Variants in TOX2 observed in about 807,000 individuals in gnomAD.
TOX2 encodes the protein granulosa cell HMG box 1.
TOX2 carries 15 observed loss-of-function variants against 47.4 expected under a neutral mutation model. The ratio of observed to expected loss-of-function variants is 0.32; its 90% CI spans 0.21 to 0.49. The LOEUF (loss-of-function observed/expected upper bound fraction) is 0.49, where lower values mean the gene tolerates loss of function less well. Among genes scored for constraint, TOX2 ranks in the 20% least tolerant of loss-of-function variants. The pLI, the probability that TOX2 is intolerant of heterozygous loss-of-function variation, is 0.99. For missense variants in TOX2, 622 were observed against 673.1 expected (o/e 0.92, Z 0.84); for synonymous variants, 290 against 296.6 (o/e 0.98, Z 0.23).
At chr20:44,053,908 G>T (rs565724700) in intron 4 of TOX2, among the ~76,000 whole-genome samples, 2 of 152,274 alleles carry the variant, frequency 1.3e-5, no homozygotes, top group Non-Finnish European at 2.9e-5. Flanking sequence ...AATTAACTTT[G>T]CCCGGTAGAG....
At chr20:44,052,698 T>C (rs1331598622) in intron 4 of TOX2, among the ~76,000 whole-genome samples, 1 of 152,234 alleles carries the variant, frequency 6.6e-6, no homozygotes, top group African/African-American at 2.4e-5. Flanking sequence ...GGGACTGTTA[T>C]TATCTCTGTT....
intron 3 of TOX2, among the ~76,000 whole-genome samples, chr20:44,040,582 G>T (rs1162528586): frequency 1.3e-5 from 2 of 152,174 alleles, no homozygotes; most frequent in African/African-American, 2.4e-5. Flanking sequence ...TTCTGCTGGG[G>T]ATGATTATAT....
rs58967545 is a variant in TOX2 at position 44,049,740 on chromosome 20, G to GTGTT, written c.412-1563_412-1560dup. Among the ~76,000 whole-genome samples the GTGTT allele has an allele frequency of 6.3e-3, 956 of 152,276 alleles. 14 individuals carry two copies. The highest frequency in any genetic ancestry group is 0.022 in the African/African-American group (904 of 41,546). On this transcript the variant is annotated intron_variant, in intron 3 of 8. Transcript: ENST00000341197. Reference sequence around the variant, plus strand: ...TTCCACTTACAAGTGAAAACATGAGGTGTTTGGTTTTCTGTTCCTGCATTA... The same window carrying GTGTT: ...TTCCACTTACAAGTGAAAACATGAGGTGTTTGTTTGGTTTTCTGTTCCTGCATTA...
At chr20:44,004,704 A>G (rs190316698) in intron 2 of TOX2, among the ~76,000 whole-genome samples, 29 of 152,204 alleles carry the variant, frequency 1.9e-4, no homozygotes, top group Non-Finnish European at 4.0e-4. Flanking sequence ...CTGCTCAGTA[A>G]CTTCATCCAG....
chr20:43,989,113 CAGTCCCCACCCAGAATCTGATTTAG>C (rs1382506336), intron 2 of TOX2, among the ~76,000 whole-genome samples: 1 of 152,212 alleles, frequency 6.6e-6, no homozygotes, highest in African/African-American at 2.4e-5. Flanking sequence ...TGCAGCATCT[CAGTCCCCACCCAGAATCTGATTTAG>C]AGTCTCCTAA....
chr20:44,026,865 A>G (rs1264466560), intron 3 of TOX2, among the ~76,000 whole-genome samples: 1 of 152,094 alleles, frequency 6.6e-6, no homozygotes, highest in African/African-American at 2.4e-5. Flanking sequence ...CCCATCCCTG[A>G]GCACCCACAA....
intron 3 of TOX2, among the ~76,000 whole-genome samples, chr20:44,033,647 G>C (rs1387558559): frequency 2.6e-5 from 4 of 151,698 alleles, no homozygotes; most frequent in South Asian, 2.1e-4. Flanking sequence ...TGTGATGTGG[G>C]GCCACAAGCC....
intron 3 of TOX2, chr20:44,039,148 C>A: frequency 2.4e-6 from 3 of 1,259,620 alleles, no homozygotes; most frequent in Non-Finnish European, 3.1e-6. Context: ...GTGTGGAGAG[C>A]TCTGCCAGAG....
chr20:44,004,049 G>A (rs1222788044), intron 2 of TOX2, among the ~76,000 whole-genome samples: 1 of 152,298 alleles, frequency 6.6e-6, no homozygotes, highest in Admixed American at 6.5e-5. Context: ...TAGTGGCAGT[G>A]GGAAAGAAAC....
intron 1 of TOX2, among the ~76,000 whole-genome samples, chr20:43,944,924 C>T (rs2069445674): frequency 6.6e-6 from 1 of 152,142 alleles, no homozygotes; most frequent in Non-Finnish European, 1.5e-5. Flanking sequence ...TCAAAGTCTG[C>T]CTTCTTCATG....
intron 2 of TOX2, among the ~76,000 whole-genome samples, chr20:43,975,818 C>A (rs2070067453): frequency 6.6e-6 from 1 of 152,148 alleles, no homozygotes; most frequent in South Asian, 2.1e-4. Flanking sequence ...TCTGGTCTCT[C>A]TGGTCCAATG....
chr20:43,918,486 C>T (rs2069081677), intron 1 of TOX2, among the ~76,000 whole-genome samples: 1 of 152,162 alleles, frequency 6.6e-6, no homozygotes, highest in Non-Finnish European at 1.5e-5. Flanking sequence ...CTTATCCCCA[C>T]CTCCAGAGGC....
intron 3 of TOX2, among the ~76,000 whole-genome samples, chr20:44,013,208 A>C (rs920694818): frequency 6.6e-6 from 1 of 151,724 alleles, no homozygotes; most frequent in African/African-American, 2.4e-5. Flanking sequence ...TCCTGGGGGC[A>C]AGGGCCTTGG....
chr20:43,962,190 G>A (rs548366826), intron 1 of TOX2, among the ~76,000 whole-genome samples: 2 of 152,356 alleles, frequency 1.3e-5, no homozygotes, highest in East Asian at 3.9e-4. Flanking sequence ...ACCAGTGGCA[G>A]TACCAGGGAA....
chr20:43,942,306 A>C (rs548720237), intron 1 of TOX2, among the ~76,000 whole-genome samples: 1 of 152,240 alleles, frequency 6.6e-6, no homozygotes, highest in Non-Finnish European at 1.5e-5. Flanking sequence ...ATCTAAGGGT[A>C]CAGCCAGGAT....
intron 2 of TOX2, among the ~76,000 whole-genome samples, chr20:43,980,861 T>TA (rs1190889865): frequency 6.6e-6 from 1 of 152,130 alleles, no homozygotes; most frequent in African/African-American, 2.4e-5. Flanking sequence ...AAAATTAACA[T>TA]AAAATCAACA....
chr20:43,980,577 T>C (rs1259464036), intron 2 of TOX2, among the ~76,000 whole-genome samples: 1 of 152,260 alleles, frequency 6.6e-6, no homozygotes, highest in Non-Finnish European at 1.5e-5. Context: ...ATGTAATTAT[T>C]ACTTATTGCA....
At chr20:43,921,883 T>G (rs144263602) in intron 1 of TOX2, among the ~76,000 whole-genome samples, 5 of 152,312 alleles carry the variant, frequency 3.3e-5, no homozygotes, top group African/African-American at 9.6e-5. Flanking sequence ...AGACCTGATT[T>G]TCCTGAGCCT....
At chr20:43,934,000 G>A (rs1053993814) in intron 1 of TOX2, among the ~76,000 whole-genome samples, 1 of 151,976 alleles carries the variant, frequency 6.6e-6, no homozygotes, top group Non-Finnish European at 1.5e-5. Context: ...TGGGAGCTGC[G>A]TGTGCTGCAG....
Sources: gnomAD v4.1 joint callset for allele counts (sites outside exome capture counted in the v4.1 genomes callset) on GRCh38, gnomAD v4.1.1 for gene constraint, MANE v1.5 for transcripts, NCBI Gene and HGNC (gene_info 2026-07-23, HGNC 2026-07-21) for gene names.